ITSN2: variants seen among roughly 807,000 people sequenced by gnomAD.
The protein encoded by ITSN2 is intersectin 2, also known as intersectin-2.
A neutral mutation model predicts 243.7 loss-of-function variants in ITSN2; 156 were observed. The observed-to-expected ratio is 0.64, with a 90% confidence interval of 0.56 to 0.73. The LOEUF is 0.73. Among genes scored for constraint, ITSN2 ranks in the 30% least tolerant of loss-of-function variants. The probability of loss-of-function intolerance (pLI) is 0.00; values close to 1 mark genes in which losing one functional copy is unlikely to be tolerated. For missense variants in ITSN2, 1,801 were observed against 1,996.1 expected, an observed-to-expected ratio of 0.90 and a Z score of 1.86; for synonymous variants, 703 against 699.9, an observed-to-expected ratio of 1.00 and a Z score of -0.07.
chr2:24,273,465 T>C (rs1677630018), intron 18 of ITSN2: 1 of 152,226 alleles, frequency 6.6e-6, no homozygotes, highest in South Asian at 2.1e-4. Flanking sequence ...TGAATTTTTA[T>C]AGCATTATAA....
intron 1 of ITSN2, among the ~76,000 whole-genome samples, chr2:24,342,073 G>A (rs1387398041): frequency 6.6e-6 from 1 of 152,204 alleles, no homozygotes; most frequent in Admixed American, 6.5e-5. Flanking sequence ...ACCTGGGACA[G>A]ATATTTCTGT....
intron 17 of ITSN2, among the ~76,000 whole-genome samples, chr2:24,281,658 G>C (rs1032493123): frequency 6.6e-6 from 1 of 152,130 alleles, no homozygotes; most frequent in Non-Finnish European, 1.5e-5. Context: ...ACTTCAAAAA[G>C]ACATTCAACA....
At chr2:24,323,570 G>A (rs2151816190) in intron 2 of ITSN2, among the ~76,000 whole-genome samples, 1 of 152,286 alleles carries the variant, frequency 6.6e-6, no homozygotes, top group East Asian at 1.9e-4. Flanking sequence ...AATAATACAT[G>A]GCTAAAGGTG....
intron 1 of ITSN2, among the ~76,000 whole-genome samples, chr2:24,357,564 T>C (rs1220982650): frequency 6.6e-6 from 1 of 152,026 alleles, no homozygotes; most frequent in African/African-American, 2.4e-5. Flanking sequence ...AACAAACCTG[T>C]ACGTTCTGCA....
chr2:24,326,933 A>C (rs1685215348), intron 2 of ITSN2, among the ~76,000 whole-genome samples: 2 of 152,218 alleles, frequency 1.3e-5, no homozygotes, highest in Non-Finnish European at 2.9e-5. Flanking sequence ...GGTAATATCA[A>C]AACAGAATTG....
chr2:24,220,691 T>C, intron 30 of ITSN2: 4 of 1,302,390 alleles, frequency 3.1e-6, no homozygotes, highest in Non-Finnish European at 3.9e-6. Flanking sequence ...AATGCCCTCT[T>C]GTTCTCCCGC....
Position 24,252,396 on chromosome 2 carries a change from T to G in ITSN2, c.3069A>C (p.Gly1023=). The G allele has an allele frequency of 6.2e-7, 1 of 1,613,184 alleles. No homozygotes were observed. The highest frequency in any genetic ancestry group is 8.5e-7 in the Non-Finnish European group (1 of 1,179,300). ...KDGEWWTGSI[G]DRSGIFPSNY... is the part of the protein sequence containing the mutation. ...TTGATGGAAAAATTCCACTTCTATC[T>G]CCAATACTTCCTGTCCACCACTCTC... The change falls in exon 25 of 40, where the codon GGA becomes GGC. Residue 1023 remains glycine (G), a synonymous_variant. Transcript: ENST00000355123.
At chr2:24,340,831 G>A (rs574865861) in intron 1 of ITSN2, among the ~76,000 whole-genome samples, 201 of 152,192 alleles carry the variant, frequency 1.3e-3, no homozygotes, top group Non-Finnish European at 2.5e-3. Flanking sequence ...GGGAATACTT[G>A]TAATGTCAGT....
chr2:24,306,882 T>G (rs1425535195), intron 8 of ITSN2, among the ~76,000 whole-genome samples: 3 of 152,046 alleles, frequency 2.0e-5, no homozygotes, highest in African/African-American at 2.4e-5. Context: ...CTCGGCTCAC[T>G]GCAACCTCCG....
At chr2:24,305,238 C>T (rs1412908622) in intron 8 of ITSN2, among the ~76,000 whole-genome samples, 1 of 152,078 alleles carries the variant, frequency 6.6e-6, no homozygotes, top group Non-Finnish European at 1.5e-5. Flanking sequence ...ACAGTTACAT[C>T]AATGACTTGA....
At chr2:24,275,921 T>C in intron 17 of ITSN2, 72 bp from the exon 18 acceptor site, 1 of 1,113,692 alleles carries the variant, frequency 9.0e-7, no homozygotes, top group African/African-American at 1.6e-5. Context: ...TAATGTGGCA[T>C]TTGCATTAAA....
At chr2:24,332,934 T>C (rs577489354) in intron 1 of ITSN2, among the ~76,000 whole-genome samples, 1 of 152,296 alleles carries the variant, frequency 6.6e-6, no homozygotes, top group Admixed American at 6.5e-5. Flanking sequence ...ATGTTTCAGG[T>C]TCTGCAGAAG....
intron 18 of ITSN2, among the ~76,000 whole-genome samples, chr2:24,273,246 C>T (rs1020083195): frequency 3.3e-5 from 5 of 152,272 alleles, no homozygotes; most frequent in Middle Eastern, 3.4e-3. Context: ...AGATTCCTTC[C>T]AACAATTTCC....
chr2:24,322,466 C>T (rs1684687588), intron 2 of ITSN2, among the ~76,000 whole-genome samples: 1 of 152,178 alleles, frequency 6.6e-6, no homozygotes, highest in Non-Finnish European at 1.5e-5. Flanking sequence ...TTTCCAACAA[C>T]ATGTGGAGAT....
At chr2:24,206,106 A>C in intron 37 of ITSN2, 1 of 302,768 alleles carries the variant, frequency 3.3e-6, no homozygotes, top group Non-Finnish European at 6.8e-6. Context: ...AAACTCAGGC[A>C]GAAAAACCGG....
intron 1 of ITSN2, among the ~76,000 whole-genome samples, chr2:24,342,158 C>T (rs552526016): frequency 6.6e-6 from 1 of 152,026 alleles, no homozygotes; most frequent in East Asian, 1.9e-4. Flanking sequence ...GAAGAAAGAG[C>T]GATTGAGAAG....
intron 34 of ITSN2, chr2:24,210,309 G>A (rs1042594018): frequency 1.4e-4 from 60 of 426,530 alleles, no homozygotes; most frequent in Non-Finnish European, 2.2e-4. Context: ...CTCTCCTTAG[G>A]AGAAAGGAAG....
intron 29 of ITSN2, among the ~76,000 whole-genome samples, chr2:24,242,855 G>A (rs887986321): frequency 6.6e-6 from 1 of 152,004 alleles, no homozygotes; most frequent in Non-Finnish European, 1.5e-5. Flanking sequence ...TCAGTTTTTA[G>A]ATCTGATTAA....
intron 2 of ITSN2, among the ~76,000 whole-genome samples, chr2:24,320,805 T>C (rs1296432939): frequency 2.6e-5 from 4 of 151,342 alleles, no homozygotes; most frequent in African/African-American, 9.7e-5. Context: ...AGGGAGACAC[T>C]GATGATTTAT....
Sources: gnomAD v4.1 joint callset for allele counts (sites outside exome capture counted in the v4.1 genomes callset) on GRCh38, gnomAD v4.1.1 for gene constraint, MANE v1.5 for transcripts, NCBI Gene and HGNC (gene_info 2026-07-23, HGNC 2026-07-21) for gene names.